Variants in RSPO2 observed in about 807,000 individuals in gnomAD.
RSPO2 encodes R-spondin 2.
A neutral mutation model predicts 30.9 loss-of-function variants in RSPO2; 14 were observed. That is an observed-to-expected ratio of 0.45 (90% confidence interval 0.30 to 0.71). The LOEUF is 0.71. Among genes scored for constraint, RSPO2 ranks in the 30% least tolerant of loss-of-function variants. RSPO2 has a pLI of 0.08. For synonymous variants in RSPO2, 107 were observed against 96.4 expected, an observed-to-expected ratio of 1.11 and a Z score of -0.64; for missense variants, 264 against 301.9, an observed-to-expected ratio of 0.87 and a Z score of 0.93.
chr8:107,957,260 C>A (rs1291674317), intron 5 of RSPO2, among the ~76,000 whole-genome samples: 1 of 152,156 alleles, frequency 6.6e-6, no homozygotes, highest in Non-Finnish European at 1.5e-5. Context: ...AGCAGTTTTC[C>A]AAACACAACT....
intron 2 of RSPO2, among the ~76,000 whole-genome samples, chr8:108,080,975 G>T (rs1029372224): frequency 1.3e-5 from 2 of 152,176 alleles, no homozygotes; most frequent in African/African-American, 2.4e-5. Context: ...GGAGGAGAGA[G>T]GAGATAAAAA....
At position 107,908,428 on chromosome 8, in the gene RSPO2, G is replaced by T. The variant is rs530557430; in HGVS notation, c.617-7238C>A. 2.0e-5 allele frequency among the ~76,000 whole-genome samples: 3 copies of T among 152,076 alleles called. No homozygotes were observed. The South Asian group carries it at 6.2e-4, about 32-fold the overall frequency. ...AAAATTATTTTCATAAATACTTTAG[G>T]TTAATTGTAAAGGACAAAGTTTTCA... On this transcript the variant is annotated intron_variant, in intron 5 of 5. Coordinates refer to ENST00000276659, the MANE Select transcript of RSPO2 (RefSeq NM_178565.5).
intron 5 of RSPO2, among the ~76,000 whole-genome samples, chr8:107,924,310 A>G (rs970123856): frequency 6.6e-6 from 1 of 152,202 alleles, no homozygotes; most frequent in Non-Finnish European, 1.5e-5. Flanking sequence ...CATTGCATAT[A>G]TCAAACAATA....
chr8:108,003,172 C>T (rs1815305129), intron 2 of RSPO2, among the ~76,000 whole-genome samples: 1 of 149,120 alleles, frequency 6.7e-6, no homozygotes, highest in Non-Finnish European at 1.5e-5. Context: ...CTGCCTCAGC[C>T]TCCCAAGTAG....
At chr8:108,016,038 T>G (rs1810879466) in intron 2 of RSPO2, among the ~76,000 whole-genome samples, 3 of 152,010 alleles carry the variant, frequency 2.0e-5, no homozygotes. Flanking sequence ...GGGGAGGAAA[T>G]TAGGAGTCAG....
chr8:107,983,268 G>A, intron 3 of RSPO2: 1 of 1,593,884 alleles, frequency 6.3e-7, no homozygotes, highest in East Asian at 2.2e-5. Flanking sequence ...CACAGTCTGA[G>A]CAGGCTCATC....
At chr8:107,901,551 G>T (rs763624823) in intron 5 of RSPO2, among the ~76,000 whole-genome samples, 1 of 152,106 alleles carries the variant, frequency 6.6e-6, no homozygotes, top group Non-Finnish European at 1.5e-5. Flanking sequence ...ACTGCTCCAC[G>T]TGTCAGTGGG....
chr8:107,996,348 A>G (rs1216160464), intron 2 of RSPO2, among the ~76,000 whole-genome samples: 1 of 152,170 alleles, frequency 6.6e-6, no homozygotes, highest in African/African-American at 2.4e-5. Context: ...AACATGAACA[A>G]CTGAGAGACT....
At chr8:107,949,894 T>C (rs1813186705) in intron 5 of RSPO2, among the ~76,000 whole-genome samples, 1 of 152,202 alleles carries the variant, frequency 6.6e-6, no homozygotes, top group Non-Finnish European at 1.5e-5. Flanking sequence ...GAATCAGTAT[T>C]ACTCATGCCA....
chr8:108,070,985 C>G (rs1457195113), intron 2 of RSPO2, among the ~76,000 whole-genome samples: 1 of 152,156 alleles, frequency 6.6e-6, no homozygotes, highest in Non-Finnish European at 1.5e-5. Context: ...CCTGCTCTTT[C>G]CTTTCCCTAG....
intron 2 of RSPO2, among the ~76,000 whole-genome samples, chr8:108,003,406 A>G (rs1815348151): frequency 7.2e-6 from 1 of 139,116 alleles, no homozygotes; most frequent in Non-Finnish European, 1.5e-5. Flanking sequence ...TAATCCGCCG[A>G]CCTCTGGTGA....
intron 2 of RSPO2, among the ~76,000 whole-genome samples, chr8:108,008,796 A>AT (rs1563561563): frequency 7.4e-5 from 11 of 148,030 alleles, no homozygotes; most frequent in African/African-American, 2.1e-4. Flanking sequence ...GCAAAAAAAA[A>AT]AAAATAAAGA....
chr8:108,066,478 GC>G (rs1371373203), intron 2 of RSPO2, among the ~76,000 whole-genome samples: 3 of 151,710 alleles, frequency 2.0e-5, no homozygotes, highest in Non-Finnish European at 2.9e-5. Context: ...TTTTACTACT[GC>G]TGTTGCAGTA....
chr8:107,927,683 A>T (rs1812426454), intron 5 of RSPO2, among the ~76,000 whole-genome samples: 1 of 152,150 alleles, frequency 6.6e-6, no homozygotes, highest in South Asian at 2.1e-4. Flanking sequence ...GGTTCCGTTT[A>T]TATGCTGGAT....
At chr8:107,951,828 C>T (rs929722374) in intron 5 of RSPO2, among the ~76,000 whole-genome samples, 8 of 152,102 alleles carry the variant, frequency 5.3e-5, no homozygotes, top group African/African-American at 1.7e-4. Flanking sequence ...TCATCCTCCA[C>T]GTTCTGAGTG....
intron 2 of RSPO2, among the ~76,000 whole-genome samples, chr8:108,014,880 G>A (rs1250862846): frequency 6.6e-6 from 1 of 151,308 alleles, no homozygotes; most frequent in Non-Finnish European, 1.5e-5. Context: ...CGGTAGATTG[G>A]AATAAGTTAG....
At chr8:107,929,521 G>A (rs1812486484) in intron 5 of RSPO2, among the ~76,000 whole-genome samples, 1 of 152,142 alleles carries the variant, frequency 6.6e-6, no homozygotes, top group African/African-American at 2.4e-5. Flanking sequence ...TATGCACACT[G>A]CTCTTGGCTA....
At chr8:107,963,707 T>A (rs1194012841) in intron 3 of RSPO2, among the ~76,000 whole-genome samples, 1 of 152,004 alleles carries the variant, frequency 6.6e-6, no homozygotes, top group Non-Finnish European at 1.5e-5. Flanking sequence ...ATAATTACAT[T>A]TATGTAATTA....
chr8:108,033,781 C>T (rs1811505605), intron 2 of RSPO2, among the ~76,000 whole-genome samples: 1 of 152,148 alleles, frequency 6.6e-6, no homozygotes, highest in Non-Finnish European at 1.5e-5. Flanking sequence ...GCTGGGCATG[C>T]TTGGTGCTGG....
Sources: allele counts gnomAD v4.1 joint callset (sites outside exome capture counted in the v4.1 genomes callset), GRCh38; gene constraint gnomAD v4.1.1; transcripts MANE v1.5; gene names NCBI Gene and HGNC (gene_info 2026-07-23, HGNC 2026-07-21).